Variants in CDH13 observed in about 807,000 individuals in gnomAD.
CDH13 encodes the protein cadherin-13.
A neutral mutation model predicts 63.8 loss-of-function variants in CDH13; 24 were observed. The observed-to-expected ratio is 0.38, with a 90% CI of 0.27 to 0.53. The LOEUF (loss-of-function observed/expected upper bound fraction) is 0.53, where lower values mean the gene tolerates loss of function less well. Among genes scored for constraint, CDH13 ranks in the 20% least tolerant of loss-of-function variants. CDH13 has a pLI of 0.85. For synonymous variants in CDH13, 503 were observed against 355.3 expected (o/e 1.42, Z -4.67); for missense variants, 1,049 against 903.1 (o/e 1.16, Z -2.07).
intron 3 of CDH13, among the ~76,000 whole-genome samples, chr16:83,098,905 C>G (rs1176305951): frequency 2.0e-5 from 3 of 152,180 alleles, no homozygotes; most frequent in Admixed American, 6.5e-5. Flanking sequence ...AATTGTGAGA[C>G]TGGTTGTTCC....
rs538206338 is a variant in CDH13 at position 82,866,377 on chromosome 16, C to CTTTTTTTTTTTTTTT, written c.157+7919_157+7933dup. ...TCTGTTTTCTTTTCTTTTTCTTCTT[C>CTTTTTTTTTTTTTTT]TTTTTTTTTTTTTTTTTTTTTTTTT... On this transcript the variant is annotated intron_variant, in intron 2 of 13. Transcript: ENST00000567109. Among the ~76,000 whole-genome samples the CTTTTTTTTTTTTTTT allele has an allele frequency of 4.1e-4, 24 of 58,320 alleles. 2 individuals are homozygous for CTTTTTTTTTTTTTTT. Among genetic ancestry groups the CTTTTTTTTTTTTTTT allele is most frequent in the African/African-American group, 5.2e-4 (6 of 11,556 alleles). 38.3% of individuals were successfully genotyped at this position (58,320 alleles called of 152,430 possible). A position where few individuals can be genotyped will look rare whatever the true frequency, so the allele number is the denominator to read the frequency against.
chr16:83,623,433 C>G (rs1310616378), intron 8 of CDH13, among the ~76,000 whole-genome samples: 1 of 152,198 alleles, frequency 6.6e-6, no homozygotes, highest in African/African-American at 2.4e-5. Flanking sequence ...TCTGGGCAGC[C>G]CCTCTTCTGG....
chr16:83,014,224 C>A (rs549250948), intron 2 of CDH13, among the ~76,000 whole-genome samples: 6 of 150,148 alleles, frequency 4.0e-5, no homozygotes, highest in African/African-American at 1.5e-4. Context: ...CAAACTAATA[C>A]TACACTCTCT....
At chr16:83,230,039 A>G (rs2039958372) in intron 5 of CDH13, among the ~76,000 whole-genome samples, 1 of 152,230 alleles carries the variant, frequency 6.6e-6, no homozygotes, top group African/African-American at 2.4e-5. Flanking sequence ...TCAATGGATC[A>G]TTAATAGTTG....
At chr16:83,765,244 T>C (rs2150991151) in intron 11 of CDH13, among the ~76,000 whole-genome samples, 1 of 152,348 alleles carries the variant, frequency 6.6e-6, no homozygotes, top group South Asian at 2.1e-4. Flanking sequence ...AAATGGTTAT[T>C]GACTGAATGA....
chr16:83,322,753 T>C (rs2090258384), intron 5 of CDH13, among the ~76,000 whole-genome samples: 1 of 152,134 alleles, frequency 6.6e-6, no homozygotes. Flanking sequence ...ATCCGGTCTA[T>C]GACTCTACAG....
At position 83,043,980 on chromosome 16, in the gene CDH13, C is replaced by G. The variant is rs1917559126; in HGVS notation, c.366+11762C>G. On this transcript the variant is annotated intron_variant, in intron 3 of 13. Coordinates refer to ENST00000567109, the MANE Select transcript of CDH13 (RefSeq NM_001257.5). ...TTAATTTTTAAGTACTTAATAAGCA[C>G]AAGCAGTGAATAGCTAAGGATTAGA... 2.0e-5 allele frequency among the ~76,000 whole-genome samples: 3 copies of G among 152,134 alleles called. No homozygotes were observed. The South Asian group carries it at 6.2e-4, about 31-fold the overall frequency.
At chr16:83,273,618 T>G (rs939794988) in intron 5 of CDH13, among the ~76,000 whole-genome samples, 5 of 152,114 alleles carry the variant, frequency 3.3e-5, no homozygotes, top group Admixed American at 6.5e-5. Context: ...TATGAATTCT[T>G]AAGAAGCCAA....
intron 6 of CDH13, among the ~76,000 whole-genome samples, chr16:83,451,889 G>C (rs1308956241): frequency 3.9e-5 from 6 of 152,100 alleles, no homozygotes; most frequent in Non-Finnish European, 7.3e-5. Flanking sequence ...TTATATTCGA[G>C]GTTAATTTAA....
At chr16:82,641,496 C>T (rs1234341509) in intron 1 of CDH13, among the ~76,000 whole-genome samples, 3 of 152,178 alleles carry the variant, frequency 2.0e-5, no homozygotes, top group South Asian at 4.1e-4. Context: ...AAGCACCCTC[C>T]TGCAGATATT....
At chr16:83,650,353 C>A (rs773446752) in intron 8 of CDH13, among the ~76,000 whole-genome samples, 2 of 152,198 alleles carry the variant, frequency 1.3e-5, no homozygotes, top group African/African-American at 2.4e-5. Flanking sequence ...GTTTTTCTGG[C>A]AACATCTGAT....
intron 8 of CDH13, among the ~76,000 whole-genome samples, chr16:83,624,559 G>C (rs1426061154): frequency 1.3e-5 from 2 of 152,070 alleles, no homozygotes; most frequent in East Asian, 3.9e-4. Context: ...GTTCCTATGA[G>C]AATCTAATGC....
intron 3 of CDH13, among the ~76,000 whole-genome samples, chr16:83,055,982 T>C (rs950997242): frequency 2.6e-5 from 4 of 152,146 alleles, no homozygotes; most frequent in Non-Finnish European, 5.9e-5. Context: ...ATCTAGGACA[T>C]GTTAACAACT....
At chr16:83,061,281 C>T (rs1031167562) in intron 3 of CDH13, among the ~76,000 whole-genome samples, 9 of 152,144 alleles carry the variant, frequency 5.9e-5, no homozygotes, top group African/African-American at 2.2e-4. Flanking sequence ...CAAGAGGTGA[C>T]TCTAATGGTA....
intron 1 of CDH13, among the ~76,000 whole-genome samples, chr16:82,708,486 T>C (rs950441708): frequency 6.6e-5 from 10 of 152,222 alleles, no homozygotes; most frequent in African/African-American, 1.7e-4. Context: ...TTTTTCTGTG[T>C]GAAGACTCCA....
intron 1 of CDH13, among the ~76,000 whole-genome samples, chr16:82,647,917 G>C (rs1324995885): frequency 6.6e-6 from 1 of 152,144 alleles, no homozygotes; most frequent in Non-Finnish European, 1.5e-5. Context: ...GACCCTGTCG[G>C]GGGTAACTGA....
intron 4 of CDH13, among the ~76,000 whole-genome samples, chr16:83,127,262 C>T (rs1465648976): frequency 2.0e-5 from 3 of 152,138 alleles, no homozygotes; most frequent in Non-Finnish European, 4.4e-5. Context: ...ATCGTGCATG[C>T]AGCAGGGGAC....
chr16:83,214,502 C>T (rs761544858), intron 4 of CDH13, among the ~76,000 whole-genome samples: 1 of 134,096 alleles, frequency 7.5e-6, no homozygotes, highest in Non-Finnish European at 1.5e-5. Flanking sequence ...ATCACTTGAA[C>T]CTGGGAGGCG....
At chr16:82,719,230 A>C in intron 1 of CDH13, 5 of 333,604 alleles carry the variant, frequency 1.5e-5, no homozygotes, top group South Asian at 1.2e-4. Context: ...TTCCACGAGC[A>C]GGAACCTCAC....
Sources: allele counts gnomAD v4.1 joint callset (sites outside exome capture counted in the v4.1 genomes callset), GRCh38; gene constraint gnomAD v4.1.1; transcripts MANE v1.5; gene names NCBI Gene and HGNC (gene_info 2026-07-23, HGNC 2026-07-21).